CSMD3: variants seen among roughly 807,000 people sequenced by gnomAD.
CSMD3 encodes the protein CUB and Sushi multiple domains 3, also known as CUB and sushi domain-containing protein 3.
Under a neutral mutation model 435.2 loss-of-function variants are expected in CSMD3, and 177 were observed. The ratio of observed to expected loss-of-function variants is 0.41; its 90% CI spans 0.36 to 0.46. The LOEUF (loss-of-function observed/expected upper bound fraction) is 0.46, where lower values mean the gene tolerates loss of function less well. Among genes scored for constraint, CSMD3 ranks in the 20% least tolerant of loss-of-function variants. CSMD3 has a pLI of 0.34. For missense variants in CSMD3, 4,265 were observed against 4,504.6 expected, an observed-to-expected ratio of 0.95 and a Z score of 1.52; for synonymous variants, 1,656 against 1,520.5, an observed-to-expected ratio of 1.09 and a Z score of -2.07.
At chr8:113,010,950 CTT>C (rs964276451) in intron 6 of CSMD3, among the ~76,000 whole-genome samples, 19 of 151,502 alleles carry the variant, frequency 1.3e-4, no homozygotes, top group African/African-American at 4.1e-4. Context: ...TAAGTACACT[CTT>C]TTTTTCTTTA....
At chr8:113,215,389 T>C (rs993798174) in intron 3 of CSMD3, among the ~76,000 whole-genome samples, 2 of 151,942 alleles carry the variant, frequency 1.3e-5, no homozygotes, top group Non-Finnish European at 2.9e-5. Flanking sequence ...TGGAATTTAA[T>C]AGATTTGTAG....
intron 7 of CSMD3, among the ~76,000 whole-genome samples, chr8:112,955,048 C>A (rs2083965348): frequency 6.6e-6 from 1 of 151,396 alleles, no homozygotes; most frequent in Non-Finnish European, 1.5e-5. Context: ...AAAGTGAAAT[C>A]TTAGCAGTTT....
intron 8 of CSMD3, among the ~76,000 whole-genome samples, chr8:112,950,861 C>T (rs1206406874): frequency 6.6e-6 from 1 of 151,870 alleles, no homozygotes; most frequent in Non-Finnish European, 1.5e-5. Context: ...AACACTTTTC[C>T]AAGCATTTTA....
intron 1 of CSMD3, among the ~76,000 whole-genome samples, chr8:113,428,917 C>T (rs79324072): frequency 0.023 from 3,449 of 151,790 alleles, 143 homozygotes; most frequent in African/African-American, 0.077. Context: ...AAAAATCCTC[C>T]CTATTATTTT....
chr8:112,770,260 T>G (rs1262316299), intron 13 of CSMD3, among the ~76,000 whole-genome samples: 1 of 152,036 alleles, frequency 6.6e-6, no homozygotes. Context: ...GGTAGGACCT[T>G]TAAAGGGTAA....
At chr8:112,949,894 G>C (rs984162301) in intron 8 of CSMD3, among the ~76,000 whole-genome samples, 76 of 151,880 alleles carry the variant, frequency 5.0e-4, no homozygotes, top group African/African-American at 1.8e-3. Context: ...ATGTCTCCAT[G>C]TTTTCCTTTC....
chr8:113,320,677 G>A (rs180996869), intron 1 of CSMD3, among the ~76,000 whole-genome samples: 3 of 152,050 alleles, frequency 2.0e-5, no homozygotes, highest in Admixed American at 1.3e-4. Flanking sequence ...ACGGCTAATC[G>A]TTGTTCTTTC....
intron 32 of CSMD3, among the ~76,000 whole-genome samples, chr8:112,414,810 G>T (rs532204804): frequency 6.6e-6 from 1 of 152,282 alleles, no homozygotes; most frequent in African/African-American, 2.4e-5. Context: ...AACTTGTTGA[G>T]AACTAGAATA....
chr8:113,021,848 T>G (rs1193065426), intron 5 of CSMD3, among the ~76,000 whole-genome samples: 2 of 152,016 alleles, frequency 1.3e-5, no homozygotes, highest in African/African-American at 4.8e-5. Context: ...TAATGATAAT[T>G]TAACAAGGGT....
intron 32 of CSMD3, among the ~76,000 whole-genome samples, chr8:112,435,659 A>ACAGCAGTTAG (rs1197825928): frequency 2.6e-5 from 4 of 152,144 alleles, no homozygotes; most frequent in African/African-American, 9.6e-5. Flanking sequence ...ATCATTTTTC[A>ACAGCAGTTAG]CAGCAGTTAG....
intron 38 of CSMD3, among the ~76,000 whole-genome samples, chr8:112,370,671 G>A (rs1828303007): frequency 6.6e-6 from 1 of 152,036 alleles, no homozygotes; most frequent in Non-Finnish European, 1.5e-5. Context: ...GGTCTGCCCT[G>A]ACCACCATAA....
chr8:113,272,876 A>G (rs2093540197), intron 3 of CSMD3, among the ~76,000 whole-genome samples: 1 of 152,156 alleles, frequency 6.6e-6, no homozygotes, highest in Admixed American at 6.6e-5. Context: ...GGAGGAATAA[A>G]CAGGGGTTGG....
intron 4 of CSMD3, among the ~76,000 whole-genome samples, chr8:113,115,712 GATATGGTT>G (rs1288924714): frequency 1.3e-5 from 2 of 152,130 alleles, no homozygotes; most frequent in African/African-American, 4.8e-5. Context: ...GTTATTTTGA[GATATGGTT>G]ATTATGTCTA....
At chr8:112,951,582 G>T (rs898246068) in intron 8 of CSMD3, among the ~76,000 whole-genome samples, 2 of 151,610 alleles carry the variant, frequency 1.3e-5, no homozygotes, top group African/African-American at 2.4e-5. Context: ...TTGTATTGTT[G>T]TTTTTTATAC....
intron 10 of CSMD3, among the ~76,000 whole-genome samples, chr8:112,863,540 T>C (rs79072539): frequency 0.035 from 5,394 of 152,126 alleles, 152 homozygotes; most frequent in Middle Eastern, 0.05. Flanking sequence ...TACCATACTG[T>C]TTTAATCATT....
intron 3 of CSMD3, among the ~76,000 whole-genome samples, chr8:113,265,994 A>C (rs9297490): frequency 0.013 from 2,024 of 151,532 alleles, 53 homozygotes; most frequent in African/African-American, 0.047. Context: ...TATGAACCTA[A>C]CCTAAATTTA....
intron 16 of CSMD3, among the ~76,000 whole-genome samples, chr8:112,672,819 G>C (rs1349293491): frequency 6.6e-6 from 1 of 152,028 alleles, no homozygotes; most frequent in Non-Finnish European, 1.5e-5. Context: ...CTTACTTTAA[G>C]AAGAAAGGAT....
intron 3 of CSMD3, among the ~76,000 whole-genome samples, chr8:113,275,380 G>A (rs1392645309): frequency 1.3e-5 from 2 of 151,984 alleles, no homozygotes; most frequent in African/African-American, 4.8e-5. Flanking sequence ...ATCTCAGTAG[G>A]CATAAGAATC....
chr8:112,330,967 G>C (rs1823992845), intron 45 of CSMD3, among the ~76,000 whole-genome samples: 1 of 151,888 alleles, frequency 6.6e-6, no homozygotes, highest in Non-Finnish European at 1.5e-5. Flanking sequence ...CTACTTATTA[G>C]TTCTCTGGCT....
Sources: gnomAD v4.1 joint callset for allele counts (sites outside exome capture counted in the v4.1 genomes callset) on GRCh38, gnomAD v4.1.1 for gene constraint, MANE v1.5 for transcripts, NCBI Gene and HGNC (gene_info 2026-07-23, HGNC 2026-07-21) for gene names.